PATJ: variants seen among roughly 807,000 people sequenced by gnomAD.
PATJ encodes the protein PATJ crumbs cell polarity complex component.
PATJ carries 190 observed loss-of-function variants against 224.9 expected under a neutral mutation model. That is an observed-to-expected ratio of 0.84 (90% CI 0.75 to 0.95). The LOEUF is 0.95. Among genes scored for constraint, PATJ ranks in the 40% least tolerant of loss-of-function variants. The probability of loss-of-function intolerance (pLI) is 0.00; values close to 1 mark genes in which losing one functional copy is unlikely to be tolerated. For missense variants in PATJ, 2,121 were observed against 2,270.3 expected, an observed-to-expected ratio of 0.93 and a Z score of 1.34; for synonymous variants, 769 against 820.3, an observed-to-expected ratio of 0.94 and a Z score of 1.07.
At chr1:61,968,666 T>A (rs1682512271) in intron 27 of PATJ, among the ~76,000 whole-genome samples, 1 of 152,104 alleles carries the variant, frequency 6.6e-6, no homozygotes, top group Non-Finnish European at 1.5e-5. Flanking sequence ...CCCGTTAACT[T>A]GTCACTTACA....
intron 29 of PATJ, among the ~76,000 whole-genome samples, chr1:62,033,675 C>T (rs1028150703): frequency 6.6e-6 from 1 of 152,116 alleles, no homozygotes; most frequent in African/African-American, 2.4e-5. Flanking sequence ...AAGAAATGGC[C>T]CTTACATGAG....
rs780438999 is a variant in PATJ, at chr1:61,763,135, C to A, written c.145C>A (p.Gln49Lys). The A allele has an allele frequency of 4.4e-6, 7 of 1,606,014 alleles. No homozygotes were observed. The highest frequency in any genetic ancestry group is 1.7e-4 in the Middle Eastern group (1 of 5,912). ...GACACTAAAGAGTCCTCTCTTCAAC[C>A]AGATACTCACACTTCAGCAGTCCAT... ...YETLKSPLFN[Q>K]ILTLQQSIKQ... Residue 49 changes from glutamine (Q) to lysine (K), a missense_variant, in exon 3 of 44, where the codon CAG becomes AAG. Gln to Lys is a moderately conservative substitution (Grantham distance 53). Coordinates refer to ENST00000642238, the MANE Select transcript of PATJ (RefSeq NM_001350145.3).
chr1:61,755,915 C>A (rs1382957907), intron 1 of PATJ, among the ~76,000 whole-genome samples: 2 of 152,074 alleles, frequency 1.3e-5, no homozygotes, highest in Non-Finnish European at 2.9e-5. Context: ...GATTCTCCTG[C>A]CTCAGCCTCC....
intron 26 of PATJ, among the ~76,000 whole-genome samples, chr1:61,916,846 A>G (rs1673519218): frequency 6.6e-6 from 1 of 152,162 alleles, no homozygotes; most frequent in South Asian, 2.1e-4. Flanking sequence ...TTGGTTGGTG[A>G]TGAAATCATA....
rs201896946 is a variant in PATJ at position 61,833,693 on chromosome 1, G to T, written c.2020G>T (p.Asp674Tyr). 5.3e-5 allele frequency: 86 copies of T among 1,613,524 alleles called. No homozygotes were observed. The highest frequency in any genetic ancestry group is 5.0e-4 in the Middle Eastern group (3 of 6,058). The change falls in exon 17 of 44, where the codon GAT (aspartate) becomes TAT (tyrosine). Residue 674 changes from aspartate to tyrosine, a missense_variant. Asp to Tyr is a radical substitution (Grantham distance 160). Transcript: ENST00000642238. Reference protein sequence around the residue: ...NMDVNTEEDDDGELALWSPEV... With the variant: ...NMDVNTEEDDYGELALWSPEV... ...GGATGTCAATACTGAAGAAGATGAT[G>T]ATGGGGAATTAGCACTGTGGTCCCC...
intron 28 of PATJ, among the ~76,000 whole-genome samples, chr1:62,008,495 G>A (rs1011090649): frequency 4.6e-5 from 7 of 152,192 alleles, no homozygotes; most frequent in African/African-American, 1.7e-4. Flanking sequence ...AGTGGCTCAT[G>A]CCTGTGATCT....
intron 27 of PATJ, among the ~76,000 whole-genome samples, chr1:61,983,384 A>G (rs1569602595): frequency 6.6e-6 from 1 of 152,044 alleles, no homozygotes; most frequent in Non-Finnish European, 1.5e-5. Context: ...TTTGCTTATC[A>G]AGTTTCTTCA....
At chr1:62,012,740 A>C (rs903259987) in intron 28 of PATJ, among the ~76,000 whole-genome samples, 3 of 152,250 alleles carry the variant, frequency 2.0e-5, no homozygotes, top group African/African-American at 7.2e-5. Context: ...AATAAGAAGA[A>C]AACAAAAGAG....
intron 17 of PATJ, among the ~76,000 whole-genome samples, chr1:61,844,074 C>G (rs1661535740): frequency 6.6e-6 from 1 of 152,132 alleles, no homozygotes. Flanking sequence ...GACAAATAAG[C>G]ATATATTACA....
At chr1:61,846,696 A>G (rs1662016619) in intron 17 of PATJ, among the ~76,000 whole-genome samples, 1 of 152,194 alleles carries the variant, frequency 6.6e-6, no homozygotes, top group Admixed American at 6.5e-5. Flanking sequence ...TCCTGGGTTC[A>G]AGGAATTCTC....
At chr1:61,972,499 G>A (rs781223057) in intron 27 of PATJ, among the ~76,000 whole-genome samples, 1 of 151,890 alleles carries the variant, frequency 6.6e-6, no homozygotes, top group Non-Finnish European at 1.5e-5. Context: ...GTACTGTGTC[G>A]CTTTGTGGCT....
intron 17 of PATJ, among the ~76,000 whole-genome samples, 161 bp from the exon 18 acceptor site, chr1:61,855,869 A>C (rs1466189388): frequency 6.6e-6 from 1 of 152,194 alleles, no homozygotes; most frequent in Non-Finnish European, 1.5e-5. Flanking sequence ...GCTTAGAGTG[A>C]GATTTTAATT....
intron 28 of PATJ, among the ~76,000 whole-genome samples, chr1:62,004,093 G>A (rs1556482): frequency 0.15 from 22,273 of 152,166 alleles, 2,023 homozygotes; most frequent in Non-Finnish European, 0.21. Flanking sequence ...CCAACTCCAA[G>A]ATGAGACAAT....
rs145722550 is a variant in PATJ at position 61,838,636 on chromosome 1, C to G, written c.2112+4851C>G. ...CCACCTGCCTTGGCCTCCCAAAGTG[C>G]TGGGATTACAGGCGTGAGCCACTGC... On this transcript the variant is annotated intron_variant, in intron 17 of 43. Coordinates refer to ENST00000642238, the MANE Select transcript of PATJ (RefSeq NM_001350145.3). 7.3e-3 allele frequency among the ~76,000 whole-genome samples: 1,106 copies of G among 150,684 alleles called. 19 individuals carry two copies. Among genetic ancestry groups the G allele is most frequent in the African/African-American group, 0.025 (1,031 of 40,862 alleles).
intron 33 of PATJ, among the ~76,000 whole-genome samples, chr1:62,092,913 T>C (rs1391908599): frequency 6.6e-6 from 1 of 151,752 alleles, no homozygotes; most frequent in Non-Finnish European, 1.5e-5. Flanking sequence ...AGCTAATTTG[T>C]TGTATTTTTA....
chr1:62,020,535 A>T (rs1217876631), intron 29 of PATJ, among the ~76,000 whole-genome samples: 2 of 152,222 alleles, frequency 1.3e-5, no homozygotes, highest in Admixed American at 6.5e-5. Context: ...TAGAAGACAG[A>T]AGGGAAAGCT....
At chr1:62,121,963 A>T (rs1018311669) in intron 38 of PATJ, among the ~76,000 whole-genome samples, 1 of 152,140 alleles carries the variant, frequency 6.6e-6, no homozygotes, top group African/African-American at 2.4e-5. Context: ...AAAAGAAAAA[A>T]AAAAGTGTGT....
Position 61,864,461 on chromosome 1 carries a change from T to G in PATJ, c.2663T>G (p.Leu888Trp). The part of the protein sequence containing the change: ...LYQDPSPSME[L>W]YPLSHIQEAT... ...CAAGATCCCTCACCATCCATGGAGT[T>G]GTATCCCTTGTCGCACATTCAAGAG... is the stretch of plus-strand genomic sequence containing the variant. Residue 888 changes from leucine (L) to tryptophan (W), a missense_variant, in exon 20 of 44, where the codon TTG becomes TGG. Leu to Trp is a moderately conservative substitution (Grantham distance 61). Transcript: ENST00000642238. 6.2e-7 allele frequency: 1 copy of G among 1,614,086 alleles called. No homozygotes were observed. The highest frequency in any genetic ancestry group is 8.5e-7 in the Non-Finnish European group (1 of 1,179,902).
intron 28 of PATJ, chr1:61,991,884 A>G (rs1645084295): frequency 4.0e-6 from 1 of 249,512 alleles, no homozygotes; most frequent in South Asian, 1.5e-4. Context: ...GAGCCAGTGT[A>G]CTCAGTTATT....
Sources: allele counts gnomAD v4.1 joint callset (sites outside exome capture counted in the v4.1 genomes callset), GRCh38; gene constraint gnomAD v4.1.1; transcripts MANE v1.5; gene names NCBI Gene and HGNC (gene_info 2026-07-23, HGNC 2026-07-21).